Variants in RPS6KA2 observed in about 807,000 individuals in gnomAD.
RPS6KA2 encodes the protein ribosomal protein S6 kinase A2.
RPS6KA2 carries 42 observed loss-of-function variants against 91.8 expected under a neutral mutation model. The observed-to-expected ratio is 0.46, with a 90% confidence interval of 0.36 to 0.59. The LOEUF is 0.59. Among genes scored for constraint, RPS6KA2 ranks in the 20% least tolerant of loss-of-function variants. The pLI, the probability that RPS6KA2 is intolerant of heterozygous loss-of-function variation, is 0.00. For missense variants in RPS6KA2, 798 were observed against 978.5 expected, an observed-to-expected ratio of 0.82 and a Z score of 2.46; for synonymous variants, 414 against 393.6, an observed-to-expected ratio of 1.05 and a Z score of -0.61.
chr6:166,427,464 G>A (rs1778965859), intron 16 of RPS6KA2, among the ~76,000 whole-genome samples: 1 of 151,614 alleles, frequency 6.6e-6, no homozygotes, highest in Admixed American at 6.6e-5. Flanking sequence ...CAATTAGGCA[G>A]GAGAAGGAAA....
chr6:166,502,400 T>G (rs1414629850), intron 6 of RPS6KA2, among the ~76,000 whole-genome samples: 3 of 152,266 alleles, frequency 2.0e-5, no homozygotes, highest in African/African-American at 4.8e-5. Flanking sequence ...CCTTTCAAGA[T>G]TAATTCTCTA....
At chr6:166,632,626 A>T (rs1372657664) in intron 2 of RPS6KA2, among the ~76,000 whole-genome samples, 3 of 150,132 alleles carry the variant, frequency 2.0e-5, no homozygotes, top group Admixed American at 6.6e-5. Context: ...AAAAAAAAAA[A>T]ATTTCTTTGT....
At chr6:166,629,624 G>A (rs1362032394), upstream of RPS6KA2, among the ~76,000 whole-genome samples, 1 of 152,214 alleles carries the variant, frequency 6.6e-6, no homozygotes, top group Non-Finnish European at 1.5e-5. Context: ...AAGACCCACT[G>A]TAACCGAAAT....
rs1270585562 is a variant in RPS6KA2, at chr6:166,434,609, GA to G, written c.1333-2120del. 1.3e-5 allele frequency among the ~76,000 whole-genome samples: 2 copies of G among 152,186 alleles called. No individual in the cohort carries two copies. Among genetic ancestry groups the G allele is most frequent in the East Asian group, 3.8e-4 (2 of 5,202 alleles). On this transcript the variant is annotated intron_variant, in intron 14 of 20. Coordinates refer to ENST00000265678, the MANE Select transcript of RPS6KA2 (RefSeq NM_021135.6). This position sits in a 1 kb window ranked among gnomAD's most constrained non-coding sequence, Gnocchi z 4.4. ...CCGGGATCCTGTCTTTGCAATTAGA[GA>G]AGGTTAAAATACATTTATAAATTTA... is the stretch of plus-strand genomic sequence containing the variant.
chr6:166,757,617 C>T (rs767127149), intron 2 of RPS6KA2: 30 of 456,136 alleles, frequency 6.6e-5, no homozygotes, highest in South Asian at 2.2e-4. Flanking sequence ...CTCCCCTTGC[C>T]GTCCAGCCAT....
intron 1 of RPS6KA2, among the ~76,000 whole-genome samples, chr6:166,592,813 T>G (rs1471210648): frequency 1.3e-5 from 2 of 152,196 alleles, no homozygotes; most frequent in Non-Finnish European, 2.9e-5. Flanking sequence ...GGGAAACAGA[T>G]CATGCCAGCG....
At chr6:166,834,003 G>A (rs572699304) in intron 2 of RPS6KA2, among the ~76,000 whole-genome samples, 1 of 152,014 alleles carries the variant, frequency 6.6e-6, no homozygotes, top group East Asian at 1.9e-4. Flanking sequence ...CAAAATGCTG[G>A]GATTACAGAT....
chr6:166,701,691 T>C (rs1789526347), intron 2 of RPS6KA2: 2 of 1,319,374 alleles, frequency 1.5e-6, no homozygotes, highest in Admixed American at 3.4e-5. Flanking sequence ...GTGGCATCCC[T>C]GAAGTGGGTG....
At position 166,494,969 on chromosome 6, in the gene RPS6KA2, T is replaced by C. The variant is rs1781735969; in HGVS notation, c.747+3539A>G. On this transcript the variant is annotated intron_variant, in intron 8 of 20. Coordinates refer to ENST00000265678, the MANE Select transcript of RPS6KA2 (RefSeq NM_021135.6). This position sits in a 1 kb window ranked among gnomAD's most constrained non-coding sequence, Gnocchi z 5.1. ...CAAAGGTCACCCGAGGCCCATCTCT[T>C]AGCTGCAAATGAGAATTCAGAAGTC... Among the ~76,000 whole-genome samples the C allele has an allele frequency of 6.6e-6, 1 of 152,182 alleles. No homozygotes were observed. Among genetic ancestry groups the C allele is most frequent in the African/African-American group, 2.4e-5 (1 of 41,458 alleles).
intron 2 of RPS6KA2, chr6:166,702,068 G>A: frequency 8.0e-7 from 1 of 1,253,586 alleles, no homozygotes; most frequent in Non-Finnish European, 1.2e-6. Context: ...ACAAGCCGCA[G>A]AGGTGCCTTC....
chr6:166,644,925 C>T (rs913357737), intron 2 of RPS6KA2, among the ~76,000 whole-genome samples: 11 of 152,098 alleles, frequency 7.2e-5, no homozygotes, highest in African/African-American at 2.2e-4. Context: ...GAGATTGGAG[C>T]GGGGCATCTC....
At chr6:166,426,517 G>GT (rs1443431992) in intron 16 of RPS6KA2, among the ~76,000 whole-genome samples, 1 of 55,928 alleles carries the variant, frequency 1.8e-5, no homozygotes, top group Non-Finnish European at 3.5e-5. Flanking sequence ...CCAGGAGCTG[G>GT]TTTTTTGAAA....
intron 1 of RPS6KA2, among the ~76,000 whole-genome samples, chr6:166,617,061 G>A (rs866980893): frequency 3.3e-4 from 50 of 152,356 alleles, no homozygotes; most frequent in African/African-American, 1.2e-3. Context: ...CCGCTCCATC[G>A]TGGGCCGAAG....
In RPS6KA2 at chr6:166,852,990, G is replaced by GA. The variant is rs912745164; in HGVS notation, c.123+5209dup. On this transcript the variant is annotated intron_variant, in intron 2 of 21. Coordinates refer to the RPS6KA2 transcript ENST00000503859. This position sits in a 1 kb window ranked among gnomAD's most constrained non-coding sequence, Gnocchi z 4.1. ...TGAAAAACAGAGTAAAATTTGAGAG[G>GA]AAAGGGAAAGTACCCCCGTAGCCAC... Among the ~76,000 whole-genome samples, 19 of 152,282 alleles carry GA rather than the reference G, an allele frequency of 1.2e-4. No homozygotes were observed. In the South Asian group the frequency reaches 3.5e-3, roughly 28 times the overall value.
intron 10 of RPS6KA2, 66 bp downstream of exon 10, chr6:166,488,767 C>T (rs1781495820): frequency 3.8e-6 from 5 of 1,304,414 alleles, no homozygotes; most frequent in Non-Finnish European, 5.5e-6. Context: ...CCCTCCACAT[C>T]TCCACTGTAG....
intron 1 of RPS6KA2, among the ~76,000 whole-genome samples, chr6:166,570,584 T>C (rs1216144398): frequency 1.3e-5 from 2 of 152,364 alleles, no homozygotes; most frequent in South Asian, 2.1e-4. Flanking sequence ...TAAGGCAGTA[T>C]GCTTGTATAT....
intron 8 of RPS6KA2, among the ~76,000 whole-genome samples, chr6:166,492,716 T>TTTTA (rs1781636582): frequency 7.7e-6 from 1 of 130,564 alleles, no homozygotes; most frequent in African/African-American, 2.8e-5. Context: ...TTTCTTTTTC[T>TTTTA]TTTCTTTTTT....
intron 6 of RPS6KA2, among the ~76,000 whole-genome samples, chr6:166,503,272 T>C (rs1454280476): frequency 6.6e-6 from 1 of 152,048 alleles, no homozygotes. Flanking sequence ...GGACTGGTGG[T>C]GAAGTCAGAT....
intron 2 of RPS6KA2, among the ~76,000 whole-genome samples, chr6:166,695,095 A>G (rs1789319145): frequency 2.0e-5 from 3 of 152,240 alleles, no homozygotes; most frequent in South Asian, 4.1e-4. Context: ...AAATAACGAC[A>G]TAGACAAATC....
Sources: gnomAD v4.1 joint callset for allele counts (sites outside exome capture counted in the v4.1 genomes callset) on GRCh38, gnomAD v4.1.1 for gene constraint, Gnocchi (gnomAD v3.1) non-coding constraint, MANE v1.5 for transcripts, NCBI Gene and HGNC (gene_info 2026-07-23, HGNC 2026-07-21) for gene names.